The following FAM168B variants were observed in gnomAD, a reference collection of about 807,000 sequenced individuals.
The protein encoded by FAM168B is myelin-associated neurite-outgrowth inhibitor.
FAM168B carries 19 observed loss-of-function variants against 21.8 expected under a neutral mutation model. The observed-to-expected ratio is 0.87, with a 90% CI of 0.61 to 1.28. The LOEUF (loss-of-function observed/expected upper bound fraction) is 1.28. Ranked by LOEUF, FAM168B falls within the 50% of genes most tolerant of loss-of-function variation. FAM168B has a pLI of 0.00. For synonymous variants in FAM168B, 126 were observed against 104.8 expected (o/e 1.20, Z -1.24); for missense variants, 233 against 263.1 (o/e 0.89, Z 0.79).
rs1691520407 is a variant in FAM168B at position 131,049,551 on chromosome 2, C to T, written c.*2914G>A. 1.0e-6 allele frequency: 1 copy of T among 985,410 alleles called. No individual in the cohort carries two copies. The highest frequency in any genetic ancestry group is 1.2e-6 in the Non-Finnish European group (1 of 829,946). 61.0% of individuals were successfully genotyped at this position (985,410 alleles called of 1,614,324 possible). ...CACTGGCTCACACTAAATGCTCAGCCGCCAGCACAGATCCAAACAAGACCT... is the reference window on the plus strand; with the variant it reads ...CACTGGCTCACACTAAATGCTCAGCTGCCAGCACAGATCCAAACAAGACCT... On this transcript the variant is annotated 3_prime_UTR_variant, in exon 7 of 7. Transcript: ENST00000389915.
At chr2:131,081,590 G>A (rs575846014) in intron 2 of FAM168B, among the ~76,000 whole-genome samples, 17 of 152,188 alleles carry the variant, frequency 1.1e-4, no homozygotes, top group Non-Finnish European at 2.2e-4. Flanking sequence ...GGGGCCACTG[G>A]ACGACTAGAC....
intron 3 of FAM168B, among the ~76,000 whole-genome samples, chr2:131,058,127 T>C (rs976274000): frequency 1.3e-5 from 2 of 152,158 alleles, no homozygotes; most frequent in Non-Finnish European, 1.5e-5. Flanking sequence ...CCTGTATATA[T>C]ATATGTGCCT....
rs1691508135 is a variant in FAM168B at position 131,049,373 on chromosome 2, C to G, written c.*3092G>C. The G allele has an allele frequency of 2.0e-6, 2 of 985,342 alleles. No homozygotes were observed. Among genetic ancestry groups the G allele is most frequent in the South Asian group, 9.4e-5 (2 of 21,278 alleles). 61.0% of individuals were successfully genotyped at this position (985,342 alleles called of 1,614,324 possible). On this transcript the variant is annotated 3_prime_UTR_variant, in exon 7 of 7. Coordinates refer to ENST00000389915, the MANE Select transcript of FAM168B (RefSeq NM_001009993.4). ...TTGCATAGCACTCAAGAAGGTTTCCCAGAATAGCGACAGGTAGGCCTACAA... is the reference window on the plus strand; with the variant it reads ...TTGCATAGCACTCAAGAAGGTTTCCGAGAATAGCGACAGGTAGGCCTACAA...
Position 131,048,406 on chromosome 2 carries a change from C to T in FAM168B, c.*4059G>A, listed in dbSNP as rs1691425712. 4 of 1,231,536 alleles carry T rather than the reference C, an allele frequency of 3.2e-6. No individual in the cohort carries two copies. The highest frequency in any genetic ancestry group is 1.4e-5 in the South Asian group (1 of 72,566). The allele number at this position is 1,231,536 out of a possible 1,614,324, so 76.3% of individuals were successfully genotyped here. On this transcript the variant is annotated 3_prime_UTR_variant, in exon 7 of 7. Transcript: ENST00000389915. ...GGAGCACACCACCCTTCTGCAGGCC[C>T]GGGGGGGGGTCCCTACACAGACGCC...
At chr2:131,074,600 A>C (rs1693040770) in intron 2 of FAM168B, among the ~76,000 whole-genome samples, 1 of 152,216 alleles carries the variant, frequency 6.6e-6, no homozygotes, top group Non-Finnish European at 1.5e-5. Context: ...TGTGTTGAGG[A>C]GGCCTGGAGA....
At chr2:131,060,163 C>T (rs1217124171) in intron 3 of FAM168B, among the ~76,000 whole-genome samples, 1 of 152,090 alleles carries the variant, frequency 6.6e-6, no homozygotes, top group African/African-American at 2.4e-5. Context: ...GTAGCTGGGA[C>T]TACAGGCGTG....
chr2:131,061,871 G>C (rs1216936731), intron 3 of FAM168B, among the ~76,000 whole-genome samples: 1 of 152,094 alleles, frequency 6.6e-6, no homozygotes, highest in Non-Finnish European at 1.5e-5. Flanking sequence ...ATAGCAGTCT[G>C]AAAGATGCTG....
intron 1 of FAM168B, among the ~76,000 whole-genome samples, chr2:131,088,927 A>G (rs950913510): frequency 2.0e-5 from 3 of 152,030 alleles, no homozygotes; most frequent in Non-Finnish European, 4.4e-5. Flanking sequence ...GCTGTGGACT[A>G]AGAAACCCAA....
rs540495867 is a variant in FAM168B at position 131,077,434 on chromosome 2, G to A, written c.70+5143C>T. 6.6e-5 allele frequency among the ~76,000 whole-genome samples: 10 copies of A among 152,238 alleles called. No homozygotes were observed. In the East Asian group the frequency reaches 1.2e-3, roughly 18 times the overall value. On this transcript the variant is annotated intron_variant, in intron 2 of 6. Coordinates refer to ENST00000389915, the MANE Select transcript of FAM168B (RefSeq NM_001009993.4). Reference sequence around the variant, plus strand: ...TAACCCTTGCCCCAGAGCACCCGTGGGCTGGCCATGAGTTCGGCAAATGTG... The same window carrying A: ...TAACCCTTGCCCCAGAGCACCCGTGAGCTGGCCATGAGTTCGGCAAATGTG...
intron 2 of FAM168B, among the ~76,000 whole-genome samples, chr2:131,078,761 G>C (rs1395669895): frequency 6.6e-6 from 1 of 151,250 alleles, no homozygotes; most frequent in Non-Finnish European, 1.5e-5. Flanking sequence ...GGCTGAGGTG[G>C]GATGAGCACA....
At chr2:131,071,161 T>C (rs953434500) in intron 3 of FAM168B, among the ~76,000 whole-genome samples, 3 of 152,206 alleles carry the variant, frequency 2.0e-5, no homozygotes, top group Admixed American at 2.0e-4. Flanking sequence ...TGTCTCCTCC[T>C]CTGTCAAAGT....
chr2:131,051,560 T>C lies in FAM168B; in HGVS notation c.*905A>G, dbSNP rs1357677004. On this transcript the variant is annotated 3_prime_UTR_variant, in exon 7 of 7. Transcript: ENST00000389915. ...TACCTCCTGCAAGCATGGCTGTTTC[T>C]CTTTCACATTTCTTCCATCCCAGGA... The C allele has an allele frequency of 1.0e-6, 1 of 985,252 alleles. No homozygotes were observed. The allele number at this position is 985,252 out of a possible 1,614,324, so 61.0% of individuals were successfully genotyped here. A position where few individuals can be genotyped will look rare whatever the true frequency, so the allele number is the denominator to read the frequency against.
intron 5 of FAM168B, among the ~76,000 whole-genome samples, chr2:131,053,574 T>C (rs1282535368): frequency 6.6e-6 from 1 of 152,180 alleles, no homozygotes; most frequent in Non-Finnish European, 1.5e-5. Flanking sequence ...TACTGAACCG[T>C]ACTTAAAAAG....
chr2:131,048,942 G>A lies in FAM168B; in HGVS notation c.*3523C>T, dbSNP rs548192184. On this transcript the variant is annotated 3_prime_UTR_variant, in exon 7 of 7. Coordinates refer to ENST00000389915, the MANE Select transcript of FAM168B (RefSeq NM_001009993.4). ...ATCCAACAGTCAGCTGTCGGATAAG[G>A]TGAAGGTGGCCCAACTGCTCAGAGT... 9 of 985,874 alleles carry A rather than the reference G, an allele frequency of 9.1e-6. No individual in the cohort carries two copies. The highest frequency in any genetic ancestry group is 1.1e-5 in the Non-Finnish European group (9 of 830,014). The allele number at this position is 985,874 out of a possible 1,614,324, so 61.1% of individuals were successfully genotyped here.
chr2:131,052,328 G>A lies in FAM168B; in HGVS notation c.*137C>T, dbSNP rs1040825328. 1.9e-5 allele frequency: 19 copies of A among 985,944 alleles called. No homozygotes were observed. The highest frequency in any genetic ancestry group is 1.1e-4 in the East Asian group (1 of 8,820). 61.1% of individuals were successfully genotyped at this position (985,944 alleles called of 1,614,324 possible). A position where few individuals can be genotyped will look rare whatever the true frequency, so the allele number is the denominator to read the frequency against. ...TAACGGCGCTGGGGCCTGCTGGGCC[G>A]GGATATAGTCGTGTTTAGCTAAGTG... On this transcript the variant is annotated 3_prime_UTR_variant, in exon 7 of 7. Coordinates refer to ENST00000389915, the MANE Select transcript of FAM168B (RefSeq NM_001009993.4).
chr2:131,088,429 GGA>G (rs1017471378), intron 1 of FAM168B, among the ~76,000 whole-genome samples: 28 of 152,042 alleles, frequency 1.8e-4, no homozygotes, highest in African/African-American at 6.8e-4. Flanking sequence ...AAAGGGGGCG[GGA>G]GAGGAGGAAG....
chr2:131,075,650 G>A (rs192550524), intron 2 of FAM168B, among the ~76,000 whole-genome samples: 12 of 152,020 alleles, frequency 7.9e-5, no homozygotes, highest in Admixed American at 3.3e-4. Context: ...GCCCGTGCCC[G>A]GCTAATTTTT....
At chr2:131,086,036 C>A (rs1220492858) in intron 1 of FAM168B, among the ~76,000 whole-genome samples, 1 of 152,150 alleles carries the variant, frequency 6.6e-6, no homozygotes, top group Non-Finnish European at 1.5e-5. Flanking sequence ...TATACAAAGG[C>A]ATAGCAGGTA....
intron 2 of FAM168B, among the ~76,000 whole-genome samples, chr2:131,074,071 T>C (rs1006951329): frequency 6.6e-6 from 1 of 152,214 alleles, no homozygotes; most frequent in Non-Finnish European, 1.5e-5. Context: ...CCCTTTGGGC[T>C]GACCCCTCTG....
Sources: gnomAD v4.1 joint callset for allele counts (sites outside exome capture counted in the v4.1 genomes callset) on GRCh38, gnomAD v4.1.1 for gene constraint, MANE v1.5 for transcripts, NCBI Gene and HGNC (gene_info 2026-07-23, HGNC 2026-07-21) for gene names.